Variants in SLC41A3 observed in about 807,000 individuals in gnomAD.
SLC41A3 encodes SLC41A1-like 2.
A neutral mutation model predicts 45.4 loss-of-function variants in SLC41A3; 44 were observed. The observed-to-expected ratio is 0.97, with a 90% CI of 0.76 to 1.25. The LOEUF is 1.25. SLC41A3 is among the 50% of genes most tolerant of loss of function. The pLI, the probability that SLC41A3 is intolerant of heterozygous loss-of-function variation, is 0.00. For synonymous variants in SLC41A3, 256 were observed against 252.4 expected (o/e 1.01, Z -0.13); for missense variants, 550 against 600.6 (o/e 0.92, Z 0.88).
intron 3 of SLC41A3, among the ~76,000 whole-genome samples, chr3:126,046,949 G>A (rs1227665475): frequency 3.6e-5 from 4 of 112,400 alleles, no homozygotes; most frequent in African/African-American, 7.2e-5. Flanking sequence ...GCAATGGAGC[G>A]AAACTCCATC....
In SLC41A3 at chr3:126,068,125, G is replaced by C. The variant is rs1944444999; in HGVS notation, c.95C>G (p.Pro32Arg). Reference protein sequence around the residue: ...LPHPLSTGGLPVASEDGALRA... With the variant: ...LPHPLSTGGLRVASEDGALRA... ...GAGAGCTCCATCTTCTGAGGCTACA[G>C]GGAGTCCTCCTGTGCTGAGGGGGTG... The change falls in exon 2 of 11, where the codon CCT becomes CGT. Residue 32 changes from proline to arginine, a missense_variant. By Grantham distance (103) the Pro-to-Arg change is moderately radical (BLOSUM62 -2). Transcript: ENST00000360370. 1.9e-6 allele frequency: 3 copies of C among 1,613,010 alleles called. No homozygotes were observed. The highest frequency in any genetic ancestry group is 2.5e-6 in the Non-Finnish European group (3 of 1,179,620).
At chr3:126,065,097 C>A (rs953186096) in intron 2 of SLC41A3, among the ~76,000 whole-genome samples, 1 of 152,232 alleles carries the variant, frequency 6.6e-6, no homozygotes, top group Admixed American at 6.5e-5. Context: ...AGTCCTTCAA[C>A]CTCAGGGAGG....
At chr3:126,060,342 C>T (rs746438390) in intron 2 of SLC41A3, among the ~76,000 whole-genome samples, 1 of 152,088 alleles carries the variant, frequency 6.6e-6, no homozygotes, top group Admixed American at 6.5e-5. Context: ...TCACTTGAAC[C>T]TGGGAGGCGG....
chr3:126,090,660 C>T (rs555992142), intron 1 of SLC41A3, among the ~76,000 whole-genome samples: 1 of 152,216 alleles, frequency 6.6e-6, no homozygotes, highest in Admixed American at 6.5e-5. Context: ...TCCAAGGAAA[C>T]CAAAATCATG....
chr3:126,010,200 G>A (rs556844664), intron 9 of SLC41A3, among the ~76,000 whole-genome samples: 3 of 152,348 alleles, frequency 2.0e-5, no homozygotes, highest in Admixed American at 6.5e-5. Flanking sequence ...TAGGCTAGGC[G>A]CTGTGGCTCA....
At chr3:126,083,604 G>A (rs1430367247) in intron 1 of SLC41A3, among the ~76,000 whole-genome samples, 1 of 152,046 alleles carries the variant, frequency 6.6e-6, no homozygotes, top group Non-Finnish European at 1.5e-5. Flanking sequence ...GGCTGAGGCA[G>A]CGAGGGGTCC....
chr3:126,060,311 C>G (rs778547747), intron 2 of SLC41A3, among the ~76,000 whole-genome samples: 5 of 152,028 alleles, frequency 3.3e-5, no homozygotes, highest in Non-Finnish European at 7.4e-5. Flanking sequence ...CCCAGCTACT[C>G]GGGAGGCTGA....
At chr3:126,008,950 G>A (rs777863430) in intron 9 of SLC41A3, 70 bp from the exon 10 acceptor site, 4 of 1,582,614 alleles carry the variant, frequency 2.5e-6, no homozygotes, top group South Asian at 2.3e-5. Flanking sequence ...ACAGTCCTCA[G>A]TGAGGCATCC....
chr3:126,050,893 C>A, intron 3 of SLC41A3, 50 bp downstream of exon 3: 2 of 1,567,108 alleles, frequency 1.3e-6, no homozygotes, highest in Non-Finnish European at 1.7e-6. Context: ...GTGGTAGGGA[C>A]GCGCCTGCCT....
At chr3:126,042,752 AATT>A (rs1942678181) in intron 3 of SLC41A3, among the ~76,000 whole-genome samples, 1 of 152,190 alleles carries the variant, frequency 6.6e-6, no homozygotes, top group African/African-American at 2.4e-5. Flanking sequence ...AAAACACAAT[AATT>A]GAATTGAAAA....
At chr3:126,063,281 C>A (rs1372923745) in intron 2 of SLC41A3, among the ~76,000 whole-genome samples, 1 of 152,142 alleles carries the variant, frequency 6.6e-6, no homozygotes, top group Non-Finnish European at 1.5e-5. Context: ...TTGCCAGACG[C>A]CATGGTGCCA....
chr3:126,061,302 C>T (rs1030420972), intron 2 of SLC41A3, among the ~76,000 whole-genome samples: 2 of 152,152 alleles, frequency 1.3e-5, no homozygotes, highest in Non-Finnish European at 2.9e-5. Context: ...ACTGGCAGAA[C>T]CCACCCACAG....
rs147636994 is a variant in SLC41A3 at position 126,052,928 on chromosome 3, G to A, written c.274-1878C>T. On this transcript the variant is annotated intron_variant, in intron 2 of 10. Transcript: ENST00000360370. ...GACACCCCACCTGCTCCATGCTCCCGGGGCTTTCAGCAGGAAGCCTGGGCG... is the reference window on the plus strand; with the variant it reads ...GACACCCCACCTGCTCCATGCTCCCAGGGCTTTCAGCAGGAAGCCTGGGCG... 1.5e-3 allele frequency among the ~76,000 whole-genome samples: 224 copies of A among 152,296 alleles called. 1 individual carries two copies. The highest frequency in any genetic ancestry group is 5.2e-3 in the African/African-American group (217 of 41,562).
At chr3:126,021,166 T>C (rs1220650379) in intron 6 of SLC41A3, among the ~76,000 whole-genome samples, 3 of 152,208 alleles carry the variant, frequency 2.0e-5, no homozygotes, top group Non-Finnish European at 4.4e-5. Flanking sequence ...AGTGCTGGGA[T>C]TACAGGCGTG....
intron 1 of SLC41A3, among the ~76,000 whole-genome samples, chr3:126,093,353 G>A (rs892455135): frequency 3.3e-5 from 5 of 152,226 alleles, no homozygotes; most frequent in African/African-American, 9.6e-5. Context: ...ATGGGAACCC[G>A]ATTTTGGGAA....
intron 7 of SLC41A3, 53 bp downstream of exon 7, chr3:126,016,678 G>A: frequency 6.4e-7 from 1 of 1,563,182 alleles, no homozygotes; most frequent in Non-Finnish European, 8.6e-7. Flanking sequence ...TGGTTCTAGG[G>A]GCCTTCATGG....
chr3:126,059,018 A>G (rs1254085031), intron 2 of SLC41A3, among the ~76,000 whole-genome samples: 3 of 151,380 alleles, frequency 2.0e-5, no homozygotes, highest in African/African-American at 7.3e-5. Context: ...CTTTTGCATA[A>G]CAGAAGCATA....
chr3:126,083,773 G>A (rs1406208673), intron 1 of SLC41A3: 1 of 151,430 alleles, frequency 6.6e-6, no homozygotes, highest in Non-Finnish European at 1.5e-5. Context: ...GCTCCCCCGC[G>A]ACCCCCAGCG....
chr3:126,028,176 G>C (rs1291506508), intron 4 of SLC41A3, among the ~76,000 whole-genome samples: 2 of 152,228 alleles, frequency 1.3e-5, no homozygotes, highest in Admixed American at 6.5e-5. Flanking sequence ...TAACAGCCAA[G>C]ACAATAGGAA....
Sources: gnomAD v4.1 joint callset for allele counts (sites outside exome capture counted in the v4.1 genomes callset) on GRCh38, gnomAD v4.1.1 for gene constraint, MANE v1.5 for transcripts, NCBI Gene and HGNC (gene_info 2026-07-23, HGNC 2026-07-21) for gene names.